Variants in COL4A1 observed in about 807,000 individuals in gnomAD.
The protein encoded by COL4A1 is collagen alpha-1(IV) chain.
In COL4A1, 40 loss-of-function variants were observed where a neutral mutation model predicts 216.6. The observed-to-expected ratio is 0.18, with a 90% CI of 0.14 to 0.24. The LOEUF (loss-of-function observed/expected upper bound fraction) is 0.24, where lower values mean the gene tolerates loss of function less well. COL4A1 is among the 10% of genes least tolerant of loss of function. COL4A1 has a pLI of 1.00. For missense variants in COL4A1, 1,628 were observed against 2,196.8 expected (o/e 0.74, Z 5.18); for synonymous variants, 839 against 810.7 (o/e 1.03, Z -0.59).
At chr13:110,206,919 A>C in intron 13 of COL4A1, 28 bp from the exon 14 acceptor site, 1 of 1,613,542 alleles carries the variant, frequency 6.2e-7, no homozygotes, top group Non-Finnish European at 8.5e-7. Context: ...ACAGATCAGC[A>C]CTATCAAACA....
chr13:110,215,069 C>A (rs1298297523), intron 2 of COL4A1, among the ~76,000 whole-genome samples: 10 of 152,162 alleles, frequency 6.6e-5, no homozygotes, highest in Non-Finnish European at 1.3e-4. Context: ...TTCGCTCAAT[C>A]AATGGAACTC....
In COL4A1 at chr13:110,175,257, G is replaced by C. The variant is rs538507631; in HGVS notation, c.3159C>G (p.Gly1053=). The part of the protein sequence containing the change: ...KGAKGEKGQA[G]PPGIGIPGLR... ...GCCCTGGGATGCCTATGCCAGGTGG[G>C]CCTGCCTGCCCTTTCTCTCCTTTTG... The change falls in exon 37 of 52, where the codon GGC becomes GGG. Residue 1053 remains glycine, a synonymous_variant. Coordinates refer to ENST00000375820, the MANE Select transcript of COL4A1 (RefSeq NM_001845.6). The C allele has an allele frequency of 6.2e-7, 1 of 1,614,102 alleles. No individual in the cohort carries two copies. The highest frequency in any genetic ancestry group is 1.1e-5 in the South Asian group (1 of 91,086).
At chr13:110,173,287 A>C (rs1400377044) in intron 40 of COL4A1, among the ~76,000 whole-genome samples, 1 of 149,292 alleles carries the variant, frequency 6.7e-6, no homozygotes, top group Non-Finnish European at 1.5e-5. Context: ...GAAAAAAATG[A>C]AAAGAAAGCC....
Position 110,205,342 on chromosome 13 carries a change from C to G in COL4A1, c.957+11G>C, listed in dbSNP as rs1879444683. ...GTGAAGATAAAGGCTCACAATAGTG[C>G]CAGCGTTTACCTGCGGGCCCTGGCG... is the stretch of plus-strand genomic sequence containing the variant. On this transcript the variant is annotated intron_variant, in intron 17 of 51. Coordinates refer to ENST00000375820, the MANE Select transcript of COL4A1 (RefSeq NM_001845.6). 4 of 1,613,846 alleles carry G rather than the reference C, an allele frequency of 2.5e-6. No individual in the cohort carries two copies. In the African/African-American group the frequency reaches 5.3e-5, roughly 22 times the overall value.
chr13:110,300,118 GATATTA>G (rs1234894198), intron 1 of COL4A1, among the ~76,000 whole-genome samples: 12 of 152,146 alleles, frequency 7.9e-5, no homozygotes, highest in Middle Eastern at 3.2e-3. Context: ...AATTAGATTA[GATATTA>G]ATATTGTTTA....
At chr13:110,242,933 T>TA (rs971345691) in intron 1 of COL4A1, among the ~76,000 whole-genome samples, 199 bp from the exon 2 acceptor site, 22 of 149,976 alleles carry the variant, frequency 1.5e-4, no homozygotes, top group African/African-American at 2.7e-4. Context: ...CCCAAATAGA[T>TA]AAAAAAAAAT....
chr13:110,299,855 T>C (rs1884425538), intron 1 of COL4A1, among the ~76,000 whole-genome samples: 2 of 152,340 alleles, frequency 1.3e-5, no homozygotes, highest in South Asian at 4.1e-4. Context: ...CATTGCATTC[T>C]TTAAAAAACT....
At chr13:110,254,954 A>G (rs1214556047) in intron 1 of COL4A1, among the ~76,000 whole-genome samples, 2 of 152,236 alleles carry the variant, frequency 1.3e-5, no homozygotes, top group African/African-American at 4.8e-5. Flanking sequence ...AGGGTGAAGG[A>G]TGACTTAGAC....
chr13:110,188,068 G>A (rs559100567), intron 24 of COL4A1, among the ~76,000 whole-genome samples: 2 of 152,260 alleles, frequency 1.3e-5, no homozygotes, highest in Admixed American at 6.5e-5. Context: ...AGTTAAAACT[G>A]CAAAGAACAC....
At chr13:110,297,232 GC>G (rs1407392776) in intron 1 of COL4A1, among the ~76,000 whole-genome samples, 1 of 152,160 alleles carries the variant, frequency 6.6e-6, no homozygotes, top group African/African-American at 2.4e-5. Flanking sequence ...GGGTGGGGGG[GC>G]CAGCCACCAG....
chr13:110,288,454 A>C (rs1336972834), intron 1 of COL4A1, among the ~76,000 whole-genome samples: 1 of 152,092 alleles, frequency 6.6e-6, no homozygotes, highest in Non-Finnish European at 1.5e-5. Context: ...GTCTCTTGCA[A>C]CCAAAATGTC....
rs142828583 is a variant in COL4A1, at chr13:110,176,996, G to A, written c.2758C>T (p.Pro920Ser). The A allele has an allele frequency of 3.1e-5, 50 of 1,613,934 alleles. No homozygotes were observed. Among genetic ancestry groups the A allele is most frequent in the Non-Finnish European group, 3.9e-5 (46 of 1,180,030 alleles). Reference protein sequence around the residue: ...FPGSSGPRGDPGLKGDKGDVG... With the variant: ...FPGSSGPRGDSGLKGDKGDVG... ...TCCCCCTTATCACCTTTCAAGCCAG[G>A]GTCTCCCCTGGGTCCTGAGGAGCCC... Residue 920 changes from proline (P) to serine (S), a missense_variant, in exon 34 of 52, where the codon CCT (proline) becomes TCT (serine). Coordinates refer to ENST00000375820, the MANE Select transcript of COL4A1 (RefSeq NM_001845.6).
chr13:110,269,550 A>G (rs747878346), intron 1 of COL4A1, among the ~76,000 whole-genome samples: 2 of 152,092 alleles, frequency 1.3e-5, no homozygotes, highest in Non-Finnish European at 2.9e-5. Flanking sequence ...GAAATTATAA[A>G]AATTAAGCTG....
At position 110,179,548 on chromosome 13, in the gene COL4A1, C is replaced by T. The variant is rs1308390991; in HGVS notation, c.2194-127G>A. ...TTTAGTAAGAATATTATCTGCTCAA[C>T]CCTTTTCAAGCGTTTGCAAAGCTTC... On this transcript the variant is annotated intron_variant, in intron 29 of 51. Coordinates refer to ENST00000375820, the MANE Select transcript of COL4A1 (RefSeq NM_001845.6). 3 of 1,402,502 alleles carry T rather than the reference C, an allele frequency of 2.1e-6. No homozygotes were observed. In the South Asian group the frequency reaches 3.6e-5, roughly 17 times the overall value. The allele number at this position is 1,402,502 out of a possible 1,614,324, so 86.9% of individuals were successfully genotyped here. A position where few individuals can be genotyped will look rare whatever the true frequency, so the allele number is the denominator to read the frequency against.
chr13:110,221,599 T>C (rs149209997), intron 2 of COL4A1, among the ~76,000 whole-genome samples: 1 of 152,318 alleles, frequency 6.6e-6, no homozygotes, highest in Non-Finnish European at 1.5e-5. Flanking sequence ...TTCCAGACAT[T>C]TGTCCATGAT....
chr13:110,159,333 A>T (rs1375765435), intron 49 of COL4A1, among the ~76,000 whole-genome samples: 1 of 152,250 alleles, frequency 6.6e-6, no homozygotes, highest in Non-Finnish European at 1.5e-5. Context: ...TTATGTATAA[A>T]GCACAGATAT....
At chr13:110,263,486 C>G (rs760040953) in intron 1 of COL4A1, among the ~76,000 whole-genome samples, 5 of 152,280 alleles carry the variant, frequency 3.3e-5, no homozygotes, top group Non-Finnish European at 5.9e-5. Context: ...TGGGATCTCG[C>G]TCTGTTGCCC....
At chr13:110,214,578 T>C (rs1879979256) in intron 2 of COL4A1, among the ~76,000 whole-genome samples, 2 of 152,026 alleles carry the variant, frequency 1.3e-5, no homozygotes, top group South Asian at 2.1e-4. Flanking sequence ...GAGGCCCGGA[T>C]AGAACAAAAA....
intron 10 of COL4A1, 80 bp from the exon 11 acceptor site, chr13:110,209,507 T>A: frequency 1.0e-6 from 1 of 985,018 alleles, no homozygotes; most frequent in Non-Finnish European, 1.6e-6. Context: ...GACGTTATCT[T>A]AAGATTCTCT....
Sources: gnomAD v4.1 joint callset for allele counts (sites outside exome capture counted in the v4.1 genomes callset) on GRCh38, gnomAD v4.1.1 for gene constraint, MANE v1.5 for transcripts, NCBI Gene and HGNC (gene_info 2026-07-23, HGNC 2026-07-21) for gene names.